The following GRM5 variants were observed in gnomAD, a reference collection of about 807,000 sequenced individuals.
GRM5 encodes glutamate metabotropic receptor 5.
GRM5 carries 19 observed loss-of-function variants against 83.1 expected under a neutral mutation model. That is an observed-to-expected ratio of 0.23 (90% CI 0.16 to 0.34). GRM5 has a LOEUF of 0.34. Ranked by LOEUF, GRM5 falls within the 10% of genes least tolerant of loss-of-function variation. GRM5 has a pLI of 1.00. For synonymous variants in GRM5, 675 were observed against 633.6 expected (o/e 1.07, Z -0.98); for missense variants, 1,160 against 1,588.3 (o/e 0.73, Z 4.58).
chr11:88,877,656 A>G (rs1444124660), intron 2 of GRM5, among the ~76,000 whole-genome samples: 1 of 151,910 alleles, frequency 6.6e-6, no homozygotes, highest in Non-Finnish European at 1.5e-5. Flanking sequence ...CCCTGTTTCT[A>G]CAAAAAAAAT....
intron 2 of GRM5, among the ~76,000 whole-genome samples, chr11:88,948,599 C>T (rs1209023644): frequency 3.3e-5 from 5 of 152,290 alleles, no homozygotes; most frequent in East Asian, 1.9e-4. Context: ...TCATAAAATT[C>T]GTAGAAGTTT....
rs886355003 is a variant in GRM5 at position 88,508,798 on chromosome 11, C to T, written c.3433G>A (p.Ala1145Thr). 3.4e-6 allele frequency: 5 copies of T among 1,469,772 alleles called. No individual in the cohort carries two copies. Among genetic ancestry groups the T allele is most frequent in the Admixed American group, 5.7e-5 (2 of 35,376 alleles). The allele number at this position is 1,469,772 out of a possible 1,614,324, so 91.0% of individuals were successfully genotyped here. Residue 1145 changes from alanine (A) to threonine (T), a missense_variant, in exon 10 of 10, where the codon GCG becomes ACG. Transcript: ENST00000305447. The surrounding 1 kb of genome is among the most constrained non-coding windows in gnomAD (Gnocchi z 4.2). ...GCGGCCGCAGCCTCGGGACCGGCCG[C>T]GGGGCTCTCCCGGGCCGCGTCCCCA... Reference protein sequence around the residue: ...AAGDAARESPAAGPEAAAAKP... With the variant: ...AAGDAARESPTAGPEAAAAKP...
chr11:89,016,758 C>T (rs1565336960), intron 2 of GRM5, among the ~76,000 whole-genome samples: 1 of 152,100 alleles, frequency 6.6e-6, no homozygotes, highest in Non-Finnish European at 1.5e-5. Context: ...ACCATGTTGG[C>T]TCCTGAAATT....
At chr11:89,027,780 T>A (rs1941161737) in intron 2 of GRM5, among the ~76,000 whole-genome samples, 1 of 152,246 alleles carries the variant, frequency 6.6e-6, no homozygotes, top group African/African-American at 2.4e-5. Flanking sequence ...CTCAAAACTA[T>A]GGCAACTGCT....
At chr11:88,994,041 G>T (rs764709976) in intron 2 of GRM5, among the ~76,000 whole-genome samples, 1 of 151,844 alleles carries the variant, frequency 6.6e-6, no homozygotes, top group Non-Finnish European at 1.5e-5. Context: ...TAATATAAAA[G>T]CAATATACAA....
intron 2 of GRM5, among the ~76,000 whole-genome samples, chr11:89,030,379 TG>T (rs1428764781): frequency 6.6e-6 from 1 of 152,098 alleles, no homozygotes; most frequent in African/African-American, 2.4e-5. Context: ...CCATCCATCC[TG>T]GGGAAGTATT....
intron 3 of GRM5, among the ~76,000 whole-genome samples, chr11:88,844,422 C>G (rs1185998333): frequency 6.6e-6 from 1 of 151,426 alleles, no homozygotes; most frequent in East Asian, 1.9e-4. Flanking sequence ...TTTCAAAATA[C>G]TACTGCTAAT....
At chr11:88,961,089 A>C (rs1460200371) in intron 2 of GRM5, among the ~76,000 whole-genome samples, 1 of 152,176 alleles carries the variant, frequency 6.6e-6, no homozygotes, top group Non-Finnish European at 1.5e-5. Context: ...TCTTTAATTT[A>C]TAGTTGCTAG....
At chr11:88,917,858 C>T (rs1486916371) in intron 2 of GRM5, among the ~76,000 whole-genome samples, 2 of 152,048 alleles carry the variant, frequency 1.3e-5, no homozygotes, top group East Asian at 3.9e-4. Flanking sequence ...AAGGGAAAAT[C>T]TAAGAGTTAT....
At chr11:88,874,982 T>C (rs1015150470) in intron 2 of GRM5, among the ~76,000 whole-genome samples, 1 of 151,970 alleles carries the variant, frequency 6.6e-6, no homozygotes, top group Non-Finnish European at 1.5e-5. Context: ...CTTGTCTTGA[T>C]ACTGATGGCT....
intron 4 of GRM5, among the ~76,000 whole-genome samples, chr11:88,618,927 G>C (rs984938628): frequency 2.0e-5 from 3 of 152,146 alleles, no homozygotes; most frequent in African/African-American, 4.8e-5. Flanking sequence ...GTGCTCTCTG[G>C]CTGGATCTGC....
intron 3 of GRM5, among the ~76,000 whole-genome samples, chr11:88,773,105 G>A (rs1942775078): frequency 6.6e-6 from 1 of 152,090 alleles, no homozygotes; most frequent in Non-Finnish European, 1.5e-5. Flanking sequence ...ATCCTCTCCA[G>A]CACCTGTTGT....
chr11:88,775,850 T>C (rs1419481727), intron 3 of GRM5, among the ~76,000 whole-genome samples: 1 of 152,164 alleles, frequency 6.6e-6, no homozygotes, highest in Non-Finnish European at 1.5e-5. Context: ...GAGGAGTGAT[T>C]TACTTCCAAT....
chr11:89,052,139 A>G (rs1399705586), intron 1 of GRM5, among the ~76,000 whole-genome samples: 7 of 152,212 alleles, frequency 4.6e-5, no homozygotes, highest in African/African-American at 2.4e-5. Flanking sequence ...CAAATGCAAA[A>G]TTTGAGATGC....
At chr11:88,555,492 T>G (rs1942605790) in intron 8 of GRM5, among the ~76,000 whole-genome samples, 1 of 152,202 alleles carries the variant, frequency 6.6e-6, no homozygotes, top group Non-Finnish European at 1.5e-5. Flanking sequence ...TTACTGTTTG[T>G]TTTGGAAGAA....
intron 3 of GRM5, among the ~76,000 whole-genome samples, chr11:88,785,338 G>A (rs1472258364): frequency 6.6e-6 from 1 of 151,960 alleles, no homozygotes; most frequent in Non-Finnish European, 1.5e-5. Flanking sequence ...TAAATGTAGT[G>A]GGCATGATCT....
intron 2 of GRM5, among the ~76,000 whole-genome samples, chr11:89,019,056 G>A (rs1334403334): frequency 6.6e-6 from 1 of 152,098 alleles, no homozygotes; most frequent in African/African-American, 2.4e-5. Flanking sequence ...AGATTTAGTT[G>A]TCCTGCCTCC....
intron 2 of GRM5, among the ~76,000 whole-genome samples, chr11:88,870,457 T>TA (rs56064901): frequency 0.99 from 149,488 of 151,558 alleles, 73,753 homozygotes; most frequent in East Asian, 1. Flanking sequence ...ACAAGAACTT[T>TA]AATAGGTCAC....
chr11:88,869,523 G>T (rs1201442258), intron 2 of GRM5, among the ~76,000 whole-genome samples: 1 of 151,254 alleles, frequency 6.6e-6, no homozygotes, highest in Non-Finnish European at 1.5e-5. Context: ...TTAATAAATT[G>T]TAAGGCATAA....
Sources: gnomAD v4.1 joint callset for allele counts (sites outside exome capture counted in the v4.1 genomes callset) on GRCh38, gnomAD v4.1.1 for gene constraint, Gnocchi (gnomAD v3.1) non-coding constraint, MANE v1.5 for transcripts, NCBI Gene and HGNC (gene_info 2026-07-23, HGNC 2026-07-21) for gene names.